SPATA22: variants seen among roughly 807,000 people sequenced by gnomAD.
The protein encoded by SPATA22 is spermatogenesis-associated protein 22.
In SPATA22, 29 loss-of-function variants were observed where a neutral mutation model predicts 47.8. The observed-to-expected ratio is 0.61, with a 90% CI of 0.45 to 0.83. The LOEUF (loss-of-function observed/expected upper bound fraction) is 0.83, where lower values mean the gene tolerates loss of function less well. Ranked by LOEUF, SPATA22 falls within the 40% of genes least tolerant of loss-of-function variation. The pLI, the probability that SPATA22 is intolerant of heterozygous loss-of-function variation, is 0.00. For synonymous variants in SPATA22, 133 were observed against 140.9 expected (o/e 0.94, Z 0.40); for missense variants, 410 against 421.7 (o/e 0.97, Z 0.24).
intron 5 of SPATA22, among the ~76,000 whole-genome samples, chr17:3,452,352 G>C (rs1369472487): frequency 6.6e-6 from 1 of 151,052 alleles, no homozygotes; most frequent in Non-Finnish European, 1.5e-5. Flanking sequence ...CCAGCACTTT[G>C]GGAGGCCGAG....
At position 3,462,498 on chromosome 17, in the gene SPATA22, C is replaced by T. The variant is rs2073146366; in HGVS notation, c.314G>A (p.Ser105Asn). ...FNSIQSNTGR[S>N]QGGWSYRDGN... is the part of the protein sequence containing the mutation. ...GTAGACTCACCTCCAACCACCCTGG[C>T]TTCTTCCAGTATTTGATTGAATAGA... Residue 105 changes from serine (S) to asparagine (N), a missense_variant, in exon 5 of 9, where the codon AGC becomes AAC. Ser to Asn is a conservative substitution (Grantham distance 46). Transcript: ENST00000572969. 1 of 1,605,364 alleles carries T rather than the reference C, an allele frequency of 6.2e-7. No homozygotes were observed. The highest frequency in any genetic ancestry group is 8.5e-7 in the Non-Finnish European group (1 of 1,177,594).
intron 1 of SPATA22, chr17:3,481,819 T>G (rs202016834): frequency 1.3e-6 from 2 of 1,561,734 alleles, no homozygotes; most frequent in African/African-American, 2.7e-5. Context: ...TGTTATTAAT[T>G]TATAAGTTAG....
intron 7 of SPATA22, among the ~76,000 whole-genome samples, chr17:3,445,710 C>A (rs2072711774): frequency 6.6e-6 from 1 of 152,024 alleles, no homozygotes; most frequent in Non-Finnish European, 1.5e-5. Context: ...TTAATGGTAA[C>A]AAGAGAGAAA....
chr17:3,499,199 A>T, intron 1 of SPATA22: 1 of 1,167,516 alleles, frequency 8.6e-7, no homozygotes, highest in Non-Finnish European at 1.2e-6. Flanking sequence ...CTCCTAGCAC[A>T]GTGCCTTATT....
intron 3 of SPATA22, among the ~76,000 whole-genome samples, chr17:3,463,660 T>TAA (rs150648149): frequency 0.015 from 2,254 of 150,808 alleles, 21 homozygotes; most frequent in Non-Finnish European, 0.024. Context: ...GCTACATTTA[T>TAA]AAAAAAAAAT....
intron 6 of SPATA22, among the ~76,000 whole-genome samples, chr17:3,448,014 T>A (rs542527404): frequency 1.3e-5 from 2 of 152,282 alleles, no homozygotes; most frequent in Admixed American, 1.3e-4. Context: ...GCACACATAA[T>A]ATATAAATAA....
At position 3,504,053 on chromosome 17, in the gene SPATA22, G is replaced by C. The variant is rs182540970; in HGVS notation, c.-74+9359C>G. On this transcript the variant is annotated intron_variant, in intron 1 of 8. Coordinates refer to the SPATA22 transcript ENST00000541913. Reference sequence around the variant, plus strand: ...GTCCTTCCCACTGTTTATTCCTCTAGGCCTTTACATAGACTGACTCCCCTA... The same window carrying C: ...GTCCTTCCCACTGTTTATTCCTCTACGCCTTTACATAGACTGACTCCCCTA... Among the ~76,000 whole-genome samples the C allele has an allele frequency of 1.1e-4, 16 of 152,078 alleles. No homozygotes were observed. In the East Asian group the frequency reaches 3.1e-3, roughly 29 times the overall value.
At chr17:3,471,559 TGGC>T in intron 1 of SPATA22, 120 bp downstream of exon 1, 1 of 983,660 alleles carries the variant, frequency 1.0e-6, no homozygotes, top group Non-Finnish European at 1.2e-6. Context: ...CGGCCTCAAA[TGGC>T]GGCCTGTTTT....
intron 5 of SPATA22, among the ~76,000 whole-genome samples, chr17:3,461,084 C>G (rs1426156941): frequency 1.3e-5 from 2 of 152,180 alleles, no homozygotes; most frequent in African/African-American, 4.8e-5. Flanking sequence ...AAAGTATAGA[C>G]TAGGCTGCTA....
chr17:3,458,037 A>C (rs1486339570), intron 5 of SPATA22, among the ~76,000 whole-genome samples: 1 of 152,234 alleles, frequency 6.6e-6, no homozygotes, highest in Non-Finnish European at 1.5e-5. Context: ...GTGAAAAGGC[A>C]ATCTATAGCA....
intron 1 of SPATA22, chr17:3,502,319 A>G (rs1045394807): frequency 2.0e-5 from 3 of 152,258 alleles, no homozygotes; most frequent in African/African-American, 4.8e-5. Context: ...CGTACTGGAA[A>G]ATCAAAAAAT....
At chr17:3,443,365 T>A in intron 7 of SPATA22, 94 bp from the exon 8 acceptor site, 1 of 792,740 alleles carries the variant, frequency 1.3e-6, no homozygotes. Context: ...ACTATCCATA[T>A]CAACCTCTCA....
intron 1 of SPATA22, among the ~76,000 whole-genome samples, chr17:3,491,261 C>A (rs902339754): frequency 6.6e-6 from 1 of 152,066 alleles, no homozygotes; most frequent in Non-Finnish European, 1.5e-5. Flanking sequence ...ACATCAGGGA[C>A]CAAAGTTTTG....
At chr17:3,483,587 C>T in intron 1 of SPATA22, 1 of 1,611,904 alleles carries the variant, frequency 6.2e-7, no homozygotes, top group Non-Finnish European at 8.5e-7. Context: ...GCCAAGTATC[C>T]TGTGGGTAAG....
intron 3 of SPATA22, among the ~76,000 whole-genome samples, chr17:3,465,837 A>C (rs909849221): frequency 6.6e-6 from 1 of 151,976 alleles, no homozygotes; most frequent in African/African-American, 2.4e-5. Context: ...CTCTTACCCA[A>C]TACAGGAAAA....
intron 1 of SPATA22, among the ~76,000 whole-genome samples, chr17:3,505,785 T>C (rs1298387341): frequency 7.0e-6 from 1 of 143,438 alleles, no homozygotes; most frequent in Non-Finnish European, 1.5e-5. Context: ...TGAGACGGAG[T>C]CTCACTCTGT....
chr17:3,475,822 T>C (rs1408057829), upstream of SPATA22, among the ~76,000 whole-genome samples: 2 of 152,202 alleles, frequency 1.3e-5, no homozygotes, highest in Non-Finnish European at 2.9e-5. Context: ...AGGAAAAGAA[T>C]GGAATTTTTG....
intron 1 of SPATA22, among the ~76,000 whole-genome samples, chr17:3,494,801 A>C (rs2073883455): frequency 6.6e-6 from 1 of 152,202 alleles, no homozygotes; most frequent in Admixed American, 6.5e-5. Context: ...CCACTTAGAG[A>C]AAGTGAAACT....
rs758748353 is a variant in SPATA22 at position 3,490,174 on chromosome 17, C to T, written c.-73-20776G>A. Reference sequence around the variant, plus strand: ...AACTGATAACAATAGTTACCGGGGACGGGAGGCAAAACCCAGGCTAATTTT... The same window carrying T: ...AACTGATAACAATAGTTACCGGGGATGGGAGGCAAAACCCAGGCTAATTTT... On this transcript the variant is annotated intron_variant, in intron 1 of 8. Coordinates refer to the SPATA22 transcript ENST00000541913. The surrounding 1 kb of genome is among the most constrained non-coding windows in gnomAD (Gnocchi z 4.6). 1.8e-4 allele frequency among the ~76,000 whole-genome samples: 27 copies of T among 152,100 alleles called. No individual in the cohort carries two copies. The highest frequency in any genetic ancestry group is 4.3e-4 in the African/African-American group (18 of 41,480).
Sources: allele counts gnomAD v4.1 joint callset (sites outside exome capture counted in the v4.1 genomes callset), GRCh38; gene constraint gnomAD v4.1.1; non-coding constraint Gnocchi (gnomAD v3.1); transcripts MANE v1.5; gene names NCBI Gene and HGNC (gene_info 2026-07-23, HGNC 2026-07-21).